The following BCL11A variants were observed in gnomAD, a reference collection of about 807,000 sequenced individuals.
The protein encoded by BCL11A is BCL11 transcription factor A.
Under a neutral mutation model 55.9 loss-of-function variants are expected in BCL11A, and 2 were observed. The observed-to-expected ratio is 0.04, with a 90% CI of 0.01 to 0.11. The LOEUF (loss-of-function observed/expected upper bound fraction) is 0.11. Among genes scored for constraint, BCL11A ranks in the 10% least tolerant of loss-of-function variants. The pLI, the probability that BCL11A is intolerant of heterozygous loss-of-function variation, is 1.00. For synonymous variants in BCL11A, 465 were observed against 473.4 expected (o/e 0.98, Z 0.23); for missense variants, 817 against 1,137.1 (o/e 0.72, Z 4.05).
chr2:60,472,122 G>A (rs1427329762), intron 2 of BCL11A, among the ~76,000 whole-genome samples: 5 of 152,166 alleles, frequency 3.3e-5, no homozygotes, highest in East Asian at 1.9e-4. Context: ...CCCTCCATTA[G>A]GAAATTCAGG....
At chr2:60,552,086 G>A (rs2104793803) in intron 1 of BCL11A, among the ~76,000 whole-genome samples, 1 of 151,910 alleles carries the variant, frequency 6.6e-6, no homozygotes, top group South Asian at 2.1e-4. Flanking sequence ...GGGTTTGGGG[G>A]AAGAGGGTGA....
intron 1 of BCL11A, among the ~76,000 whole-genome samples, chr2:60,551,896 CTCTG>C (rs1347113215): frequency 5.3e-5 from 8 of 151,812 alleles, no homozygotes; most frequent in Admixed American, 2.0e-4. Context: ...GCGCTCGGTC[CTCTG>C]TCTGTTTGTT....
Position 60,459,768 on chromosome 2 carries a change from T to G in BCL11A, c.*636A>C, listed in dbSNP as rs980375948. The G allele has an allele frequency of 9.6e-7, 1 of 1,041,160 alleles. No homozygotes were observed. The highest frequency in any genetic ancestry group is 5.6e-5 in the Admixed American group (1 of 17,918). 64.5% of individuals were successfully genotyped at this position (1,041,160 alleles called of 1,614,324 possible). A position where few individuals can be genotyped will look rare whatever the true frequency, so the allele number is the denominator to read the frequency against. On this transcript the variant is annotated 3_prime_UTR_variant, in exon 4 of 4. Coordinates refer to ENST00000642384, the MANE Select transcript of BCL11A (RefSeq NM_022893.4). ...AAGGCCTTTTTTCTTCCTTTCCAAT[T>G]GATACATTTAACCCTTTAGAGACAG...
At chr2:60,549,551 A>C (rs974937806) in intron 1 of BCL11A, among the ~76,000 whole-genome samples, 1 of 152,180 alleles carries the variant, frequency 6.6e-6, no homozygotes, top group Admixed American at 6.5e-5. Context: ...GCACAAAGCG[A>C]GCAGCGTGCT....
At position 60,459,091 on chromosome 2, in the gene BCL11A, A is replaced by T; in HGVS notation, c.*1313T>A. 9.8e-7 allele frequency: 1 copy of T among 1,018,318 alleles called. No individual in the cohort carries two copies. The highest frequency in any genetic ancestry group is 1.2e-6 in the Non-Finnish European group (1 of 847,360). The allele number at this position is 1,018,318 out of a possible 1,614,324, so 63.1% of individuals were successfully genotyped here. The stretch of plus-strand genomic sequence containing the variant: ...CAATATTAGCTTATATACCTGTTCT[A>T]GTTTTAAATGGCAAATAGTACCACG... On this transcript the variant is annotated 3_prime_UTR_variant, in exon 4 of 4. Coordinates refer to ENST00000642384, the MANE Select transcript of BCL11A (RefSeq NM_022893.4).
In BCL11A at chr2:60,459,522, T is replaced by C. The variant is rs1676114033; in HGVS notation, c.*882A>G. On this transcript the variant is annotated 3_prime_UTR_variant, in exon 4 of 4. Transcript: ENST00000642384. ...GGAAAAATGATGATTAACTAGGACA[T>C]AATGGGTCATCTTTTTAGGTAGCCA... 9.8e-7 allele frequency: 1 copy of C among 1,023,460 alleles called. No individual in the cohort carries two copies. The highest frequency in any genetic ancestry group is 1.2e-6 in the Non-Finnish European group (1 of 852,314). 63.4% of individuals were successfully genotyped at this position (1,023,460 alleles called of 1,614,324 possible). A position where few individuals can be genotyped will look rare whatever the true frequency, so the allele number is the denominator to read the frequency against.
At chr2:60,527,109 G>A (rs1669239444) in intron 2 of BCL11A, 1 of 152,144 alleles carries the variant, frequency 6.6e-6, no homozygotes, top group African/African-American at 2.4e-5. Context: ...TGGCCTGAAG[G>A]GTCACCGGCC....
chr2:60,542,221 A>G (rs995716506), intron 2 of BCL11A: 2 of 218,322 alleles, frequency 9.2e-6, no homozygotes, highest in Admixed American at 1.2e-4. Flanking sequence ...AGGACTTGTC[A>G]TATTTTTTCT....
chr2:60,532,397 G>A (rs1322355290), intron 2 of BCL11A, among the ~76,000 whole-genome samples: 1 of 143,532 alleles, frequency 7.0e-6, no homozygotes, highest in Non-Finnish European at 1.5e-5. Flanking sequence ...GTTTTGTTTT[G>A]CTTTGTTTTT....
rs1435054543 is a variant in BCL11A, at chr2:60,460,315, A to G, written c.*89T>C. 2 of 1,504,454 alleles carry G rather than the reference A, an allele frequency of 1.3e-6. No individual in the cohort carries two copies. The highest frequency in any genetic ancestry group is 1.8e-6 in the Non-Finnish European group (2 of 1,127,114). The allele number at this position is 1,504,454 out of a possible 1,614,324, so 93.2% of individuals were successfully genotyped here. ...TCACATGGGACTAGAAAAAAATCCT[A>G]CAGGGAGTGGGGCTGGAGGGCGATG... On this transcript the variant is annotated 3_prime_UTR_variant, in exon 4 of 4. Coordinates refer to ENST00000642384, the MANE Select transcript of BCL11A (RefSeq NM_022893.4).
intron 2 of BCL11A, among the ~76,000 whole-genome samples, chr2:60,505,055 T>C (rs1433748692): frequency 6.6e-6 from 1 of 152,084 alleles, no homozygotes; most frequent in Non-Finnish European, 1.5e-5. Flanking sequence ...ATTTAACCTC[T>C]CTAAGCTTCA....
At chr2:60,511,607 T>G (rs1679991289) in intron 2 of BCL11A, among the ~76,000 whole-genome samples, 1 of 152,156 alleles carries the variant, frequency 6.6e-6, no homozygotes, top group Non-Finnish European at 1.5e-5. Context: ...AACTGAAGAC[T>G]CAAAGAGCTA....
chr2:60,452,569 A>G, downstream of BCL11A: 1 of 1,612,658 alleles, frequency 6.2e-7, no homozygotes, highest in Non-Finnish European at 8.5e-7. Flanking sequence ...GGGGCTTCAA[A>G]TTTTCTCAGA....
intron 2 of BCL11A, chr2:60,544,676 C>G (rs149787158): frequency 6.6e-6 from 1 of 152,156 alleles, no homozygotes; most frequent in Non-Finnish European, 1.5e-5. Flanking sequence ...CAAACTAGGT[C>G]GGAGAGACAA....
intron 2 of BCL11A, among the ~76,000 whole-genome samples, chr2:60,511,716 C>A (rs1278678954): frequency 6.6e-6 from 1 of 152,162 alleles, no homozygotes; most frequent in Non-Finnish European, 1.5e-5. Flanking sequence ...TTCCAAGCCA[C>A]AGAAAATAAG....
Position 60,459,222 on chromosome 2 carries a change from AT to A in BCL11A, c.*1181del. ...ACAAGGTCTTAAAGTTTATCATTTG[AT>A]TGTCCACTTGACAACCAAGTAGATC... On this transcript the variant is annotated 3_prime_UTR_variant, in exon 4 of 4. Transcript: ENST00000642384. 1 of 1,019,006 alleles carries A rather than the reference AT, an allele frequency of 9.8e-7. No homozygotes were observed. The highest frequency in any genetic ancestry group is 1.2e-6 in the Non-Finnish European group (1 of 848,750). 63.1% of individuals were successfully genotyped at this position (1,019,006 alleles called of 1,614,324 possible). A position where few individuals can be genotyped will look rare whatever the true frequency, so the allele number is the denominator to read the frequency against.
chr2:60,484,291 A>T (rs1678140311), intron 2 of BCL11A: 1 of 152,338 alleles, frequency 6.6e-6, no homozygotes, highest in African/African-American at 2.4e-5. Context: ...CTGCACTCAC[A>T]TTCAGCTGAA....
At chr2:60,520,634 C>T (rs1170037094) in intron 2 of BCL11A, among the ~76,000 whole-genome samples, 4 of 152,146 alleles carry the variant, frequency 2.6e-5, no homozygotes, top group Admixed American at 6.5e-5. Context: ...CACTATGAGG[C>T]ATAAGGTCCT....
intron 2 of BCL11A, among the ~76,000 whole-genome samples, chr2:60,530,766 T>C (rs1005313836): frequency 6.6e-6 from 1 of 150,986 alleles, no homozygotes; most frequent in Admixed American, 6.6e-5. Flanking sequence ...AGCCTGGCCC[T>C]CGGCCAAGTT....
Sources: gnomAD v4.1 joint callset for allele counts (sites outside exome capture counted in the v4.1 genomes callset) on GRCh38, gnomAD v4.1.1 for gene constraint, MANE v1.5 for transcripts, NCBI Gene and HGNC (gene_info 2026-07-23, HGNC 2026-07-21) for gene names.